FSTL5: variants seen among roughly 807,000 people sequenced by gnomAD.
FSTL5 encodes follistatin like 5, also known as follistatin-related protein 5.
In FSTL5, 62 loss-of-function variants were observed where a neutral mutation model predicts 89.1. The ratio of observed to expected loss-of-function variants is 0.70; its 90% CI spans 0.57 to 0.86. The LOEUF is 0.86. Among genes scored for constraint, FSTL5 ranks in the 40% least tolerant of loss-of-function variants. The pLI is 0.00. For synonymous variants in FSTL5, 383 were observed against 346.2 expected, an observed-to-expected ratio of 1.11 and a Z score of -1.18; for missense variants, 1,057 against 1,001.6, an observed-to-expected ratio of 1.06 and a Z score of -0.75.
At chr4:162,103,717 T>A (rs993447250) in intron 2 of FSTL5, among the ~76,000 whole-genome samples, 9 of 152,198 alleles carry the variant, frequency 5.9e-5, no homozygotes, top group Non-Finnish European at 1.0e-4. Flanking sequence ...GAGACAGGAC[T>A]AGCTGGATTT....
At chr4:162,118,776 A>G (rs899328235) in intron 1 of FSTL5, among the ~76,000 whole-genome samples, 1 of 152,140 alleles carries the variant, frequency 6.6e-6, no homozygotes, top group African/African-American at 2.4e-5. Context: ...TATACATCCT[A>G]CTAGATATAG....
intron 11 of FSTL5, 123 bp downstream of exon 11, chr4:161,510,275 A>G: frequency 1.5e-6 from 1 of 673,478 alleles, no homozygotes. Flanking sequence ...ATATTGAAAT[A>G]CCATCAATTA....
intron 1 of FSTL5, 147 bp downstream of exon 1, chr4:162,163,468 T>G (rs1233100696): frequency 1.8e-5 from 2 of 109,656 alleles, no homozygotes; most frequent in African/African-American, 8.6e-5. Flanking sequence ...ATAATAATAA[T>G]AGTAATTATT....
chr4:161,598,091 G>A (rs1020515924), intron 7 of FSTL5, among the ~76,000 whole-genome samples: 2 of 152,032 alleles, frequency 1.3e-5, no homozygotes, highest in Non-Finnish European at 2.9e-5. Flanking sequence ...CAACTTGTTG[G>A]CTGGGCACAA....
intron 7 of FSTL5, among the ~76,000 whole-genome samples, chr4:161,622,372 C>G (rs1276782305): frequency 6.6e-6 from 1 of 152,012 alleles, no homozygotes; most frequent in African/African-American, 2.4e-5. Context: ...TACCTCTGAA[C>G]ATATGTTATG....
intron 2 of FSTL5, among the ~76,000 whole-genome samples, chr4:162,063,600 T>C (rs1362833325): frequency 1.3e-5 from 2 of 151,932 alleles, no homozygotes; most frequent in African/African-American, 4.8e-5. Context: ...TATGAGAATA[T>C]GCTATCTTAA....
In FSTL5 at chr4:161,510,426, T is replaced by A. The variant is rs770454103; in HGVS notation, c.1313-2A>T. The A allele has an allele frequency of 3.0e-5, 45 of 1,522,838 alleles. No homozygotes were observed. Among genetic ancestry groups the A allele is most frequent in the Admixed American group, 1.2e-4 (5 of 43,260 alleles). The allele number at this position is 1,522,838 out of a possible 1,614,324, so 94.3% of individuals were successfully genotyped here. A position where few individuals can be genotyped will look rare whatever the true frequency, so the allele number is the denominator to read the frequency against. ...CTTCTCTCCATAATATGTTAGCTAC[T>A]GCAGCATGTTGAAAGAAAAAGAAGA... On this transcript the variant is annotated splice_acceptor_variant, in intron 10 of 15. Coordinates refer to ENST00000306100, the MANE Select transcript of FSTL5 (RefSeq NM_020116.5). LOFTEE classifies it high-confidence loss of function.
At chr4:161,578,188 A>T (rs1224701916) in intron 8 of FSTL5, among the ~76,000 whole-genome samples, 1 of 148,974 alleles carries the variant, frequency 6.7e-6, no homozygotes, top group African/African-American at 2.5e-5. Context: ...GCAAGCAGGG[A>T]CTTTAAGTAG....
chr4:161,753,370 C>T (rs1259992462), intron 6 of FSTL5, among the ~76,000 whole-genome samples: 3 of 152,160 alleles, frequency 2.0e-5, no homozygotes, highest in Non-Finnish European at 4.4e-5. Context: ...TGGGCATTAT[C>T]CTTGACTCAA....
chr4:162,152,813 T>C (rs1733279675), intron 1 of FSTL5, among the ~76,000 whole-genome samples: 1 of 152,036 alleles, frequency 6.6e-6, no homozygotes, highest in African/African-American at 2.4e-5. Context: ...GAAATTAGCT[T>C]TAAGTCCCAG....
At position 161,985,981 on chromosome 4, in the gene FSTL5, A is replaced by G. The variant is rs1012481176; in HGVS notation, c.160+47644T>C. On this transcript the variant is annotated intron_variant, in intron 3 of 15. Coordinates refer to ENST00000306100, the MANE Select transcript of FSTL5 (RefSeq NM_020116.5). ...AACTGTCACAATTTATTTAAGCTGCACTTTTTATAAAGCTTTTATACACTA... is the reference window on the plus strand; with the variant it reads ...AACTGTCACAATTTATTTAAGCTGCGCTTTTTATAAAGCTTTTATACACTA... 2.0e-5 allele frequency among the ~76,000 whole-genome samples: 3 copies of G among 152,230 alleles called. No individual in the cohort carries two copies. In the South Asian group the frequency reaches 6.2e-4, roughly 32 times the overall value.
chr4:161,935,068 C>G (rs372070107), intron 3 of FSTL5, among the ~76,000 whole-genome samples: 1 of 152,076 alleles, frequency 6.6e-6, no homozygotes, highest in Non-Finnish European at 1.5e-5. Flanking sequence ...AATCTCATAA[C>G]TATATTTCAT....
chr4:161,409,002 A>T (rs1442538142), intron 15 of FSTL5, among the ~76,000 whole-genome samples: 1 of 152,224 alleles, frequency 6.6e-6, no homozygotes, highest in Non-Finnish European at 1.5e-5. Context: ...GATATAGTTC[A>T]TGAAAAATTC....
rs565934531 is a variant in FSTL5 at position 161,688,439 on chromosome 4, G to C, written c.728-31945C>G. ...CAAAATAGATGAAAACAAAACTGCA[G>C]TTCTCTAAAGGCTTGGCATTAGTAG... On this transcript the variant is annotated intron_variant, in intron 6 of 15. Transcript: ENST00000306100. 9.9e-5 allele frequency among the ~76,000 whole-genome samples: 15 copies of C among 152,198 alleles called. 1 individual carries two copies. The South Asian group carries it at 2.9e-3, about 29-fold the overall frequency.
intron 4 of FSTL5, among the ~76,000 whole-genome samples, chr4:161,815,069 TGAA>T (rs1396110131): frequency 6.6e-6 from 1 of 152,114 alleles, no homozygotes; most frequent in Non-Finnish European, 1.5e-5. Flanking sequence ...ATTATTTGTC[TGAA>T]GAAGTTTTAG....
At chr4:161,744,085 G>GT (rs200505368) in intron 6 of FSTL5, among the ~76,000 whole-genome samples, 169 of 151,238 alleles carry the variant, frequency 1.1e-3, no homozygotes, top group African/African-American at 3.5e-3. Flanking sequence ...AACAGAAGGT[G>GT]TTTTTTTTTA....
intron 4 of FSTL5, among the ~76,000 whole-genome samples, chr4:161,822,243 C>T (rs2126851794): frequency 6.6e-6 from 1 of 152,250 alleles, no homozygotes; most frequent in South Asian, 2.1e-4. Context: ...CAGCCAGAAA[C>T]CTCTGTGGAT....
chr4:161,530,541 G>A (rs551486341), intron 10 of FSTL5, among the ~76,000 whole-genome samples: 2 of 151,934 alleles, frequency 1.3e-5, no homozygotes, highest in African/African-American at 2.4e-5. Context: ...GCCAACTAAT[G>A]TTAATTTATT....
chr4:161,846,710 G>T (rs1731381069), intron 4 of FSTL5, among the ~76,000 whole-genome samples: 3 of 152,050 alleles, frequency 2.0e-5, no homozygotes, highest in Admixed American at 1.3e-4. Context: ...GAGGCACTGG[G>T]AGTTTATGCA....
Sources: allele counts gnomAD v4.1 joint callset (sites outside exome capture counted in the v4.1 genomes callset), GRCh38; gene constraint gnomAD v4.1.1; transcripts MANE v1.5; gene names NCBI Gene and HGNC (gene_info 2026-07-23, HGNC 2026-07-21).